The following PTK6 variants were observed in gnomAD, a reference collection of about 807,000 sequenced individuals.
The protein encoded by PTK6 is protein tyrosine kinase 6, also known as protein-tyrosine kinase 6.
Under a neutral mutation model 47.5 loss-of-function variants are expected in PTK6, and 47 were observed. The ratio of observed to expected loss-of-function variants is 0.99; its 90% CI spans 0.78 to 1.26. The LOEUF is 1.26. PTK6 is among the 50% of genes most tolerant of loss of function. The pLI is 0.00. For missense variants in PTK6, 618 were observed against 625.3 expected (o/e 0.99, Z 0.12); for synonymous variants, 287 against 276.5 (o/e 1.04, Z -0.38).
chr20:63,530,663 TC>T lies in PTK6; in HGVS notation c.1014+82del. On this transcript the variant is annotated intron_variant, in intron 6 of 7. Transcript: ENST00000542869. The surrounding 1 kb of genome is among the most constrained non-coding windows in gnomAD (Gnocchi z 4.1). ...GGGCCGCATCCTGCTCCCAGCCGAG[TC>T]CCCAGCTCCACACACAGGAAGCCCC... 6.7e-7 allele frequency: 1 copy of T among 1,484,720 alleles called. No individual in the cohort carries two copies. Among genetic ancestry groups the T allele is most frequent in the East Asian group, 2.4e-5 (1 of 42,176 alleles). The allele number at this position is 1,484,720 out of a possible 1,614,324, so 92.0% of individuals were successfully genotyped here.
rs1030794153 is a variant in PTK6, at chr20:63,530,434, G to T, written c.1015-203C>A. 6.6e-6 allele frequency among the ~76,000 whole-genome samples: 1 copy of T among 152,240 alleles called. No homozygotes were observed. The highest frequency in any genetic ancestry group is 2.4e-5 in the African/African-American group (1 of 41,470). ...CAACTTCCCCTGGGATTGCAGGTGT[G>T]TGGGGACCGGAGGGCCCGGGGGACA... On this transcript the variant is annotated intron_variant, in intron 6 of 7. Transcript: ENST00000542869. This position sits in a 1 kb window ranked among gnomAD's most constrained non-coding sequence, Gnocchi z 4.1.
Position 63,528,242 on chromosome 20 carries a change from G to A in PTK6, c.*1294C>T, listed in dbSNP as rs573886189. Reference sequence around the variant, plus strand: ...ACCAAACCCGTAAATAGAACCTCCAGAAGACTTAGTGTGACTTACTATTTC... The same window carrying A: ...ACCAAACCCGTAAATAGAACCTCCAAAAGACTTAGTGTGACTTACTATTTC... On this transcript the variant is annotated 3_prime_UTR_variant, in exon 8 of 8. Coordinates refer to ENST00000542869, the MANE Select transcript of PTK6 (RefSeq NM_005975.4). The A allele has an allele frequency of 2.6e-5, 4 of 152,266 alleles. No homozygotes were observed. The South Asian group carries it at 8.3e-4, about 32-fold the overall frequency. 9.4% of individuals were successfully genotyped at this position (152,266 alleles called of 1,614,324 possible). A position where few individuals can be genotyped will look rare whatever the true frequency, so the allele number is the denominator to read the frequency against.
chr20:63,536,676 T>C (rs1399415656), intron 1 of PTK6, among the ~76,000 whole-genome samples: 1 of 152,128 alleles, frequency 6.6e-6, no homozygotes, highest in Non-Finnish European at 1.5e-5. Flanking sequence ...CTTTGGAAAC[T>C]GGGCAAGCTT....
chr20:63,530,629 C>T lies in PTK6; in HGVS notation c.1014+117G>A, dbSNP rs544046294. 2.4e-5 allele frequency: 31 copies of T among 1,306,134 alleles called. No homozygotes were observed. The East Asian group carries it at 6.6e-4, about 28-fold the overall frequency. The allele number at this position is 1,306,134 out of a possible 1,614,324, so 80.9% of individuals were successfully genotyped here. A position where few individuals can be genotyped will look rare whatever the true frequency, so the allele number is the denominator to read the frequency against. ...CACCTCCCTGCCCAGCCTGGGCTCC[C>T]GAGGGCAGGGGCCGCATCCTGCTCC... On this transcript the variant is annotated intron_variant, in intron 6 of 7. Transcript: ENST00000542869. The surrounding 1 kb of genome is among the most constrained non-coding windows in gnomAD (Gnocchi z 4.1).
chr20:63,532,286 T>C (rs763623716), intron 5 of PTK6, among the ~76,000 whole-genome samples: 5 of 149,350 alleles, frequency 3.3e-5, no homozygotes, highest in Non-Finnish European at 7.4e-5. Context: ...GTGTGTCATG[T>C]GATGTGTCTT....
In PTK6 at chr20:63,532,698, G is replaced by A. The variant is rs768684546; in HGVS notation, c.671-11C>T. The A allele has an allele frequency of 4.3e-5, 70 of 1,612,074 alleles. No individual in the cohort carries two copies. Among genetic ancestry groups the A allele is most frequent in the Non-Finnish European group, 5.3e-5 (62 of 1,179,254 alleles). ...GGTGCAGGAGGTTGTCTGCGGGGAC[G>A]GGTGGCCTCGGTGGATGCAGCCCCT... On this transcript the variant is annotated splice_polypyrimidine_tract_variant and intron_variant, in intron 4 of 7. Coordinates refer to ENST00000542869, the MANE Select transcript of PTK6 (RefSeq NM_005975.4).
chr20:63,533,811 C>G lies in PTK6; in HGVS notation c.517-107G>C. ...TTAGCCTCAGATTTAGGGCCACGAT[C>G]AGCCTGGGTTGGGGGTTTCTGAGTG... On this transcript the variant is annotated intron_variant, in intron 3 of 7. Transcript: ENST00000542869. This position sits in a 1 kb window ranked among gnomAD's most constrained non-coding sequence, Gnocchi z 4.0. 2.1e-6 allele frequency: 3 copies of G among 1,447,970 alleles called. No individual in the cohort carries two copies. Among genetic ancestry groups the G allele is most frequent in the South Asian group, 1.3e-5 (1 of 74,450 alleles). 89.7% of individuals were successfully genotyped at this position (1,447,970 alleles called of 1,614,324 possible). A position where few individuals can be genotyped will look rare whatever the true frequency, so the allele number is the denominator to read the frequency against.
chr20:63,534,084 A>G, intron 3 of PTK6, 68 bp downstream of exon 3: 2 of 1,468,450 alleles, frequency 1.4e-6, no homozygotes, highest in South Asian at 2.7e-5. Flanking sequence ...AACCTCTCCC[A>G]GTAGGAAATG....
intron 1 of PTK6, among the ~76,000 whole-genome samples, chr20:63,536,743 A>C (rs1357121568): frequency 1.3e-5 from 2 of 152,162 alleles, no homozygotes; most frequent in Non-Finnish European, 2.9e-5. Context: ...GTCACTGGCC[A>C]CCGGGCCCCA....
chr20:63,536,890 G>T (rs1286715098), intron 1 of PTK6, among the ~76,000 whole-genome samples, 195 bp downstream of exon 1: 1 of 152,218 alleles, frequency 6.6e-6, no homozygotes, highest in Non-Finnish European at 1.5e-5. Flanking sequence ...GGACAGTCCT[G>T]GGCACTCCTG....
chr20:63,535,625 T>G (rs1034592183), intron 1 of PTK6, among the ~76,000 whole-genome samples: 4 of 151,820 alleles, frequency 2.6e-5, no homozygotes, highest in African/African-American at 9.7e-5. Flanking sequence ...CCTTTGTGTG[T>G]CTGACTCCCT....
At chr20:63,532,188 CGTGTGATCTGTGTGTGTGTCT>C (rs916596068) in intron 5 of PTK6, among the ~76,000 whole-genome samples, 1 of 120,054 alleles carries the variant, frequency 8.3e-6, no homozygotes, top group African/African-American at 4.2e-5. Flanking sequence ...TGTGTGTGTC[CGTGTGATCTGTGTGTGTGTCT>C]GTGTGTGTCC....
At position 63,530,807 on chromosome 20, in the gene PTK6, A is replaced by T; in HGVS notation, c.953T>A (p.Ile318Asn). 1 of 1,614,100 alleles carries T rather than the reference A, an allele frequency of 6.2e-7. No homozygotes were observed. The highest frequency in any genetic ancestry group is 1.1e-5 in the South Asian group (1 of 91,076). ...GCAGAGGGTGTTTTCCCCGACGAGG[A>T]TGTTCCTGGCGGCCAGGTCCCGGTG... ...YIHRDLAARN[I>N]LVGENTLCKV... Residue 318 changes from isoleucine (I) to asparagine (N), a missense_variant, in exon 6 of 8, where the codon ATC (isoleucine) becomes AAC (asparagine). Physicochemically the swap from Ile to Asn is moderately radical, Grantham distance 149. Coordinates refer to ENST00000542869, the MANE Select transcript of PTK6 (RefSeq NM_005975.4). This position sits in a 1 kb window ranked among gnomAD's most constrained non-coding sequence, Gnocchi z 4.1.
At position 63,533,070 on chromosome 20, in the gene PTK6, C is replaced by CTT. The variant is rs918158489; in HGVS notation, c.671-385_671-384dup. Among the ~76,000 whole-genome samples the CTT allele has an allele frequency of 1.4e-5, 2 of 144,348 alleles. No individual in the cohort carries two copies. Among genetic ancestry groups the CTT allele is most frequent in the East Asian group, 2.0e-4 (1 of 5,074 alleles). The allele number at this position is 144,348 out of a possible 152,430, so 94.7% of individuals were successfully genotyped here. On this transcript the variant is annotated intron_variant, in intron 4 of 7. Coordinates refer to ENST00000542869, the MANE Select transcript of PTK6 (RefSeq NM_005975.4). This position sits in a 1 kb window ranked among gnomAD's most constrained non-coding sequence, Gnocchi z 4.0. ...GATTTTAAATTTTCTTTCTTTCTTT[C>CTT]TTTTTTTTTTTTCCCAAGACGGGGT...
At position 63,537,068 on chromosome 20, in the gene PTK6, C is replaced by A. The variant is rs2082675377; in HGVS notation, c.230+17G>T. On this transcript the variant is annotated intron_variant, in intron 1 of 7. Transcript: ENST00000542869. ...GGGTGGCCTGTGCCAAAGCTCCCAG[C>A]AGCCTAGGACACGCACGGTTCCGAC... is the stretch of plus-strand genomic sequence containing the variant. 2 of 1,591,666 alleles carry A rather than the reference C, an allele frequency of 1.3e-6. No homozygotes were observed. The highest frequency in any genetic ancestry group is 1.7e-6 in the Non-Finnish European group (2 of 1,167,964).
rs116504187 is a variant in PTK6 at position 63,533,361 on chromosome 20, C to T, written c.670+190G>A. Among the ~76,000 whole-genome samples, 19,752 of 152,094 alleles carry T rather than the reference C, an allele frequency of 0.13. 4,047 individuals carry two copies. Among genetic ancestry groups the T allele is most frequent in the African/African-American group, 0.44 (18,256 of 41,350 alleles). ...GATTACAGATGTGAGCCACCGTGCC[C>T]GGCCTAAAATTTTCTTTTATAATAA... is the stretch of plus-strand genomic sequence containing the variant. On this transcript the variant is annotated intron_variant, in intron 4 of 7. Coordinates refer to ENST00000542869, the MANE Select transcript of PTK6 (RefSeq NM_005975.4). This position sits in a 1 kb window ranked among gnomAD's most constrained non-coding sequence, Gnocchi z 4.0.
chr20:63,534,176 C>T lies in PTK6; in HGVS notation c.492G>A (p.Leu164=), dbSNP rs1239596114. 1 of 1,560,936 alleles carries T rather than the reference C, an allele frequency of 6.4e-7. No homozygotes were observed. Among genetic ancestry groups the T allele is most frequent in the Non-Finnish European group, 8.7e-7 (1 of 1,153,886 alleles). Reference sequence around the variant, plus strand: ...CCTTCCGGCAGGGCGCGGCCAGCCGCAGGCCGTGGGACAGGCTCTGGGCCC... The same window carrying T: ...CCTTCCGGCAGGGCGCGGCCAGCCGTAGGCCGTGGGACAGGCTCTGGGCCC... ...YHRAQSLSHG[L]RLAAPCRKHE... Residue 164 remains leucine (L), a synonymous_variant, in exon 3 of 8, where the codon CTG becomes CTA. Coordinates refer to ENST00000542869, the MANE Select transcript of PTK6 (RefSeq NM_005975.4).
chr20:63,533,079 T>G lies in PTK6; in HGVS notation c.671-392A>C, dbSNP rs1041741341. ...TTTTCTTTCTTTCTTTCTTTTTTTTTTTTCCCAAGACGGGGTCTTGCTCTG... is the reference window on the plus strand; with the variant it reads ...TTTTCTTTCTTTCTTTCTTTTTTTTGTTTCCCAAGACGGGGTCTTGCTCTG... On this transcript the variant is annotated intron_variant, in intron 4 of 7. Transcript: ENST00000542869. The surrounding 1 kb of genome is among the most constrained non-coding windows in gnomAD (Gnocchi z 4.0). Among the ~76,000 whole-genome samples the G allele has an allele frequency of 3.3e-5, 5 of 149,748 alleles. No homozygotes were observed. The highest frequency in any genetic ancestry group is 7.4e-5 in the Non-Finnish European group (5 of 67,914).
At position 63,529,325 on chromosome 20, in the gene PTK6, C is replaced by A. The variant is rs1274472577; in HGVS notation, c.*211G>T. 1.5e-5 allele frequency: 8 copies of A among 517,566 alleles called. No individual in the cohort carries two copies. Among genetic ancestry groups the A allele is most frequent in the Non-Finnish European group, 2.3e-5 (7 of 303,962 alleles). 32.1% of individuals were successfully genotyped at this position (517,566 alleles called of 1,614,324 possible). A position where few individuals can be genotyped will look rare whatever the true frequency, so the allele number is the denominator to read the frequency against. On this transcript the variant is annotated 3_prime_UTR_variant, in exon 8 of 8. Transcript: ENST00000542869. This position sits in a 1 kb window ranked among gnomAD's most constrained non-coding sequence, Gnocchi z 5.6. ...CATCTGCAGGCTCCAGAGCAGGCTG[C>A]GTGTCAGCAGCTGAGACCCAAGGCA...
Sources: allele counts gnomAD v4.1 joint callset (sites outside exome capture counted in the v4.1 genomes callset), GRCh38; gene constraint gnomAD v4.1.1; non-coding constraint Gnocchi (gnomAD v3.1); transcripts MANE v1.5; gene names NCBI Gene and HGNC (gene_info 2026-07-23, HGNC 2026-07-21).